Variants in EXOC4 observed in about 807,000 individuals in gnomAD.
EXOC4 encodes SEC8-like 1.
A neutral mutation model predicts 107.2 loss-of-function variants in EXOC4; 71 were observed. The ratio of observed to expected loss-of-function variants is 0.66; its 90% CI spans 0.55 to 0.81. The LOEUF (loss-of-function observed/expected upper bound fraction) is 0.81, where lower values mean the gene tolerates loss of function less well. Ranked by LOEUF, EXOC4 falls within the 30% of genes least tolerant of loss-of-function variation. The pLI, the probability that EXOC4 is intolerant of heterozygous loss-of-function variation, is 0.00. For synonymous variants in EXOC4, 456 were observed against 441.2 expected (o/e 1.03, Z -0.42); for missense variants, 1,108 against 1,189.6 (o/e 0.93, Z 1.01).
At chr7:133,745,862 T>C (rs1378025130) in intron 10 of EXOC4, among the ~76,000 whole-genome samples, 1 of 152,060 alleles carries the variant, frequency 6.6e-6, no homozygotes, top group African/African-American at 2.4e-5. Context: ...CCATTATATA[T>C]TGTGTCTAAT....
intron 1 of EXOC4, among the ~76,000 whole-genome samples, chr7:133,264,463 A>G (rs749199341): frequency 7.2e-5 from 11 of 152,190 alleles, no homozygotes; most frequent in South Asian, 2.1e-4. Context: ...ATTGCTATCA[A>G]TTGGGATGGG....
intron 10 of EXOC4, among the ~76,000 whole-genome samples, chr7:133,788,291 C>T (rs1359387084): frequency 1.3e-5 from 2 of 151,740 alleles, no homozygotes; most frequent in Non-Finnish European, 2.9e-5. Context: ...AATCTCTCCT[C>T]TCAACTCTCA....
intron 14 of EXOC4, among the ~76,000 whole-genome samples, chr7:133,981,865 A>T (rs151104518): frequency 0.012 from 1,817 of 152,356 alleles, 48 homozygotes; most frequent in African/African-American, 0.041. Context: ...AATGCCCATC[A>T]ATGGCAGATT....
At chr7:133,976,701 A>G (rs1793841408) in intron 14 of EXOC4, among the ~76,000 whole-genome samples, 1 of 152,218 alleles carries the variant, frequency 6.6e-6, no homozygotes, top group Non-Finnish European at 1.5e-5. Flanking sequence ...CACTATGCAT[A>G]TGTCCTTGTA....
chr7:134,003,272 A>C (rs1794570885), intron 15 of EXOC4, among the ~76,000 whole-genome samples: 1 of 152,130 alleles, frequency 6.6e-6, no homozygotes. Flanking sequence ...AAAATAGATG[A>C]GTGGTTGCCA....
chr7:134,061,402 C>T (rs1209844009), intron 17 of EXOC4, among the ~76,000 whole-genome samples: 1 of 152,190 alleles, frequency 6.6e-6, no homozygotes, highest in Non-Finnish European at 1.5e-5. Flanking sequence ...GGTTCTGTAA[C>T]TGTTGGTCTA....
At chr7:133,445,448 T>C (rs1471240771) in intron 7 of EXOC4, among the ~76,000 whole-genome samples, 1 of 152,170 alleles carries the variant, frequency 6.6e-6, no homozygotes, top group Non-Finnish European at 1.5e-5. Flanking sequence ...TCAAAATTGT[T>C]AGGACCAATC....
At chr7:133,855,713 C>T (rs751084229) in intron 11 of EXOC4, among the ~76,000 whole-genome samples, 7 of 152,272 alleles carry the variant, frequency 4.6e-5, no homozygotes, top group African/African-American at 1.2e-4. Context: ...CAGCTCCCCA[C>T]GATCCATCTG....
chr7:133,269,764 A>G (rs923507674), intron 1 of EXOC4, among the ~76,000 whole-genome samples: 9 of 152,196 alleles, frequency 5.9e-5, no homozygotes, highest in African/African-American at 2.2e-4. Flanking sequence ...GTTGTGGGAT[A>G]TAAAACCTCT....
chr7:133,790,019 C>A (rs1476118), intron 10 of EXOC4, among the ~76,000 whole-genome samples: 1 of 152,066 alleles, frequency 6.6e-6, no homozygotes, highest in Non-Finnish European at 1.5e-5. Context: ...ACAAACCTGA[C>A]GCCAGTAGTG....
chr7:134,066,318 C>T (rs147713079), downstream of EXOC4: 270 of 152,182 alleles, frequency 1.8e-3, no homozygotes, highest in South Asian at 4.6e-3. Context: ...ACTGAGAGTG[C>T]TCAGACTAAT....
At chr7:133,490,526 T>C (rs1025361795) in intron 9 of EXOC4, among the ~76,000 whole-genome samples, 3 of 152,190 alleles carry the variant, frequency 2.0e-5, no homozygotes, top group Non-Finnish European at 2.9e-5. Flanking sequence ...TATGGGTAAA[T>C]GTATGAAAGT....
chr7:134,057,200 C>T (rs186002466), intron 17 of EXOC4, among the ~76,000 whole-genome samples: 13 of 152,186 alleles, frequency 8.5e-5, no homozygotes, highest in Admixed American at 1.3e-4. Context: ...CAAAGAAGAC[C>T]GAGCAAGCCT....
intron 11 of EXOC4, among the ~76,000 whole-genome samples, chr7:133,823,825 CATATATATATATATATATTATATAT>C (rs1475113695): frequency 7.9e-4 from 37 of 46,900 alleles, no homozygotes; most frequent in African/African-American, 2.5e-3. Context: ...AAAATACATA[CATATATATATATATATATTATATAT>C]ATATATATAT....
At chr7:133,715,826 C>T (rs1200456491) in intron 10 of EXOC4, among the ~76,000 whole-genome samples, 1 of 152,118 alleles carries the variant, frequency 6.6e-6, no homozygotes, top group Non-Finnish European at 1.5e-5. Context: ...CCTAAATTCT[C>T]ATGAGTCTGT....
chr7:134,023,607 C>T (rs1336431357), intron 17 of EXOC4, among the ~76,000 whole-genome samples: 1 of 151,916 alleles, frequency 6.6e-6, no homozygotes, highest in Non-Finnish European at 1.5e-5. Flanking sequence ...GATTAAGTAA[C>T]CCGGGTTCTA....
At chr7:133,337,793 G>A (rs1453636176) in intron 5 of EXOC4, among the ~76,000 whole-genome samples, 1 of 151,254 alleles carries the variant, frequency 6.6e-6, no homozygotes. Flanking sequence ...CATCATGCTT[G>A]GCTAATTTTT....
At chr7:133,275,948 G>A (rs1793980304) in intron 2 of EXOC4, among the ~76,000 whole-genome samples, 1 of 151,866 alleles carries the variant, frequency 6.6e-6, no homozygotes, top group African/African-American at 2.4e-5. Context: ...TGGGATTATA[G>A]GTGTGACCCA....
chr7:133,635,791 C>T (rs1802693304), intron 10 of EXOC4, among the ~76,000 whole-genome samples: 1 of 152,192 alleles, frequency 6.6e-6, no homozygotes, highest in Admixed American at 6.5e-5. Flanking sequence ...CGAGTCCTCA[C>T]ATGGCCTCTT....
Sources: gnomAD v4.1 joint callset for allele counts (sites outside exome capture counted in the v4.1 genomes callset) on GRCh38, gnomAD v4.1.1 for gene constraint, MANE v1.5 for transcripts, NCBI Gene and HGNC (gene_info 2026-07-23, HGNC 2026-07-21) for gene names.